TBC1D1: variants seen among roughly 807,000 people sequenced by gnomAD.
The protein encoded by TBC1D1 is TBC1 (tre-2/USP6, BUB2, cdc16) domain family, member 1.
Under a neutral mutation model 125.6 loss-of-function variants are expected in TBC1D1, and 89 were observed. The ratio of observed to expected loss-of-function variants is 0.71; its 90% CI spans 0.60 to 0.85. The LOEUF (loss-of-function observed/expected upper bound fraction) is 0.85, where lower values mean the gene tolerates loss of function less well. Ranked by LOEUF, TBC1D1 falls within the 40% of genes least tolerant of loss-of-function variation. The pLI, the probability that TBC1D1 is intolerant of heterozygous loss-of-function variation, is 0.00. For missense variants in TBC1D1, 1,377 were observed against 1,469.2 expected, an observed-to-expected ratio of 0.94 and a Z score of 1.03; for synonymous variants, 565 against 564.1, an observed-to-expected ratio of 1.00 and a Z score of -0.02.
At chr4:38,094,325 G>GT (rs1758953767) in intron 13 of TBC1D1, among the ~76,000 whole-genome samples, 1 of 152,162 alleles carries the variant, frequency 6.6e-6, no homozygotes, top group African/African-American at 2.4e-5. Context: ...AGACATTTGT[G>GT]TTAAATCATA....
rs1472235163 is a variant in TBC1D1, at chr4:37,891,314, G to C, written c.-128G>C. 6.6e-6 allele frequency: 1 copy of C among 152,386 alleles called. No homozygotes were observed. The highest frequency in any genetic ancestry group is 2.4e-5 in the African/African-American group (1 of 41,428). 9.4% of individuals were successfully genotyped at this position (152,386 alleles called of 1,614,324 possible). On this transcript the variant is annotated 5_prime_UTR_variant, in exon 1 of 20. Coordinates refer to ENST00000261439, the MANE Select transcript of TBC1D1 (RefSeq NM_015173.4). ...TGCCCCCAAGCACCTGCGCGTCCCG[G>C]CCCGGCCCCGGGCTCTGAGCGCGCC...
chr4:37,940,985 C>T (rs1173542542), intron 2 of TBC1D1, among the ~76,000 whole-genome samples: 1 of 152,076 alleles, frequency 6.6e-6, no homozygotes, highest in East Asian at 1.9e-4. Context: ...TTATAATTCT[C>T]TTTTTTTGTT....
At chr4:37,931,830 A>G (rs1723333550) in intron 2 of TBC1D1, among the ~76,000 whole-genome samples, 1 of 152,212 alleles carries the variant, frequency 6.6e-6, no homozygotes, top group African/African-American at 2.4e-5. Flanking sequence ...GAAGTTTTGC[A>G]AACTCATCCT....
At chr4:37,945,333 G>A (rs1159207939) in intron 2 of TBC1D1, among the ~76,000 whole-genome samples, 1 of 151,364 alleles carries the variant, frequency 6.6e-6, no homozygotes, top group African/African-American at 2.4e-5. Flanking sequence ...GGCCAACATG[G>A]CAAACTCCAT....
chr4:38,102,871 ACT>A (rs2152558524), intron 14 of TBC1D1, 126 bp from the exon 17 acceptor site: 1 of 1,093,250 alleles, frequency 9.1e-7, no homozygotes, highest in Non-Finnish European at 1.3e-6. Flanking sequence ...ACAAAGCCAG[ACT>A]CTGTCTCAAA....
intron 2 of TBC1D1, among the ~76,000 whole-genome samples, chr4:37,992,355 A>G (rs1736760344): frequency 6.6e-6 from 1 of 152,210 alleles, no homozygotes; most frequent in African/African-American, 2.4e-5. Flanking sequence ...AAAGAAGAGC[A>G]GAAGCCACTT....
In TBC1D1 at chr4:38,014,059, C is replaced by G. The variant is rs1742083542; in HGVS notation, c.418-450C>G. ...TTTCCAAAGTATACTGCCATGAGAT[C>G]TAGAATAATTGAGTCATGTTTTGTG... is the stretch of plus-strand genomic sequence containing the variant. On this transcript the variant is annotated intron_variant, in intron 2 of 19. Transcript: ENST00000261439. This position sits in a 1 kb window ranked among gnomAD's most constrained non-coding sequence, Gnocchi z 5.1. Among the ~76,000 whole-genome samples the G allele has an allele frequency of 6.6e-6, 1 of 152,212 alleles. No individual in the cohort carries two copies. The highest frequency in any genetic ancestry group is 1.5e-5 in the Non-Finnish European group (1 of 68,040).
At chr4:37,934,609 G>C (rs1723994346) in intron 2 of TBC1D1, among the ~76,000 whole-genome samples, 1 of 152,146 alleles carries the variant, frequency 6.6e-6, no homozygotes, top group Non-Finnish European at 1.5e-5. Flanking sequence ...AAGGAAAGAA[G>C]GGTTTGCTTT....
At chr4:38,082,234 G>A (rs1319331677) in intron 12 of TBC1D1, among the ~76,000 whole-genome samples, 1 of 152,136 alleles carries the variant, frequency 6.6e-6, no homozygotes, top group African/African-American at 2.4e-5. Flanking sequence ...GGCGAAGGTC[G>A]CCACTGTGAC....
At chr4:37,922,700 C>T (rs1234685358) in intron 2 of TBC1D1, among the ~76,000 whole-genome samples, 1 of 152,158 alleles carries the variant, frequency 6.6e-6, no homozygotes, top group African/African-American at 2.4e-5. Flanking sequence ...TCCTTTTTGT[C>T]CAATCGGCAT....
In TBC1D1 at chr4:38,125,201, A is replaced by T. The variant is rs1302864383; in HGVS notation, c.3132+70A>T. ...TATGTAGAAACTTAAATCTCTCTTG[A>T]GCAGGAACTGTTTCCTACCACTTTG... On this transcript the variant is annotated intron_variant, in intron 18 of 19. Transcript: ENST00000261439. The T allele has an allele frequency of 4.7e-6, 7 of 1,481,514 alleles. No homozygotes were observed. In the East Asian group the frequency reaches 1.4e-4, roughly 29 times the overall value. The allele number at this position is 1,481,514 out of a possible 1,614,324, so 91.8% of individuals were successfully genotyped here. A position where few individuals can be genotyped will look rare whatever the true frequency, so the allele number is the denominator to read the frequency against.
At chr4:37,922,952 C>T (rs1721326767) in intron 2 of TBC1D1, among the ~76,000 whole-genome samples, 3 of 152,100 alleles carry the variant, frequency 2.0e-5, no homozygotes, top group Admixed American at 2.0e-4. Flanking sequence ...TGGCAAAGTT[C>T]TCTCTCTTTT....
chr4:38,094,677 G>A (rs1042930073), intron 13 of TBC1D1, among the ~76,000 whole-genome samples: 14 of 152,274 alleles, frequency 9.2e-5, no homozygotes, highest in African/African-American at 3.4e-4. Flanking sequence ...TACAGAGCAG[G>A]ATGCTCATGT....
intron 12 of TBC1D1, among the ~76,000 whole-genome samples, chr4:38,085,985 AT>A (rs1337779851): frequency 2.0e-5 from 3 of 152,136 alleles, no homozygotes; most frequent in Admixed American, 2.0e-4. Flanking sequence ...CCCAGTCTGG[AT>A]CTTTTTGCAT....
At chr4:37,998,249 A>G (rs1309660388) in intron 2 of TBC1D1, among the ~76,000 whole-genome samples, 1 of 152,144 alleles carries the variant, frequency 6.6e-6, no homozygotes, top group Non-Finnish European at 1.5e-5. Flanking sequence ...GCACTGGGTT[A>G]CAAGACCCCT....
chr4:38,095,427 G>C (rs1759158548), intron 13 of TBC1D1, among the ~76,000 whole-genome samples: 1 of 152,184 alleles, frequency 6.6e-6, no homozygotes, highest in Admixed American at 6.5e-5. Flanking sequence ...CATTTGAAAG[G>C]GGTAGATTTA....
intron 15 of TBC1D1, 104 bp from the exon 18 acceptor site, chr4:38,115,606 T>A: frequency 1.6e-6 from 2 of 1,230,542 alleles, no homozygotes; most frequent in East Asian, 4.7e-5. Flanking sequence ...ATGATCCAGC[T>A]TCTAAAGATT....
rs17579911 is a variant in TBC1D1 at position 38,132,407 on chromosome 4, G to A, written c.3133-677G>A. Among the ~76,000 whole-genome samples the A allele has an allele frequency of 1.6e-3, 245 of 152,282 alleles. 9 individuals are homozygous for A. The East Asian group carries it at 0.042, about 26-fold the overall frequency. ...CCTTACCAAGAGAAAGTACAGACAC[G>A]GACGGCTTGAGTCACTTAGGCACTT... On this transcript the variant is annotated intron_variant, in intron 18 of 19. Transcript: ENST00000261439.
chr4:38,127,209 TAAAAAAC>T (rs1764796781), intron 18 of TBC1D1, among the ~76,000 whole-genome samples: 1 of 152,074 alleles, frequency 6.6e-6, no homozygotes, highest in African/African-American at 2.4e-5. Flanking sequence ...CTATTTTCTG[TAAAAAAC>T]AAAAAATAAA....
Sources: gnomAD v4.1 joint callset for allele counts (sites outside exome capture counted in the v4.1 genomes callset) on GRCh38, gnomAD v4.1.1 for gene constraint, Gnocchi (gnomAD v3.1) non-coding constraint, MANE v1.5 for transcripts, NCBI Gene and HGNC (gene_info 2026-07-23, HGNC 2026-07-21) for gene names.